Variants in DPF3 observed in about 807,000 individuals in gnomAD.
DPF3 encodes zinc finger protein DPF3.
In DPF3, 18 loss-of-function variants were observed where a neutral mutation model predicts 56.8. The ratio of observed to expected loss-of-function variants is 0.32; its 90% confidence interval spans 0.22 to 0.47. The LOEUF is 0.47. Among genes scored for constraint, DPF3 ranks in the 20% least tolerant of loss-of-function variants. The probability of loss-of-function intolerance (pLI) is 1.00; values close to 1 mark genes in which losing one functional copy is unlikely to be tolerated. For synonymous variants in DPF3, 188 were observed against 180.2 expected (o/e 1.04, Z -0.35); for missense variants, 403 against 488.8 (o/e 0.82, Z 1.65).
At chr14:72,732,311 T>G (rs1401455050) in intron 3 of DPF3, among the ~76,000 whole-genome samples, 1 of 151,994 alleles carries the variant, frequency 6.6e-6, no homozygotes, top group Non-Finnish European at 1.5e-5. Context: ...CCACAGGTGG[T>G]TTTGTAAGGG....
At chr14:72,644,232 C>T (rs1188142286) in intron 8 of DPF3, among the ~76,000 whole-genome samples, 2 of 152,190 alleles carry the variant, frequency 1.3e-5, no homozygotes, top group African/African-American at 4.8e-5. Context: ...AACCCGGCAC[C>T]ATCTGGCGTC....
Position 72,763,058 on chromosome 14 carries a change from G to A in DPF3, c.193+8675C>T, listed in dbSNP as rs188002129. On this transcript the variant is annotated intron_variant, in intron 2 of 10. Coordinates refer to ENST00000556509, the MANE Select transcript of DPF3 (RefSeq NM_001280542.3). Reference sequence around the variant, plus strand: ...AGACAAATCTGACAAAAATGTTAAAGATCTATACACTAAAAATTAAAAATC... The same window carrying A: ...AGACAAATCTGACAAAAATGTTAAAAATCTATACACTAAAAATTAAAAATC... Among the ~76,000 whole-genome samples the A allele has an allele frequency of 2.1e-3, 312 of 151,852 alleles. 3 individuals are homozygous for A. Among genetic ancestry groups the A allele is most frequent in the East Asian group, 0.018 (91 of 5,190 alleles).
chr14:72,860,680 C>A (rs1013074462), intron 1 of DPF3, among the ~76,000 whole-genome samples: 2 of 152,014 alleles, frequency 1.3e-5, no homozygotes, highest in African/African-American at 4.8e-5. Context: ...ATTCTCCTGC[C>A]TCAGCCTCCC....
chr14:72,671,821 A>G (rs2153570439), intron 8 of DPF3, among the ~76,000 whole-genome samples: 1 of 152,298 alleles, frequency 6.6e-6, no homozygotes, highest in Middle Eastern at 3.4e-3. Flanking sequence ...TTAAGCCTCC[A>G]TCTATTTCAT....
At chr14:72,641,637 C>A (rs749404413) in intron 8 of DPF3, among the ~76,000 whole-genome samples, 4 of 152,200 alleles carry the variant, frequency 2.6e-5, no homozygotes, top group Admixed American at 1.3e-4. Context: ...GTAGGAGGAG[C>A]AGCACTGGGA....
chr14:72,838,924 T>C (rs1373868316), intron 1 of DPF3, among the ~76,000 whole-genome samples: 1 of 118,496 alleles, frequency 8.4e-6, no homozygotes, highest in African/African-American at 3.5e-5. Context: ...TTTTTTTTTT[T>C]TTTTTTTTTT....
At chr14:72,629,814 T>C (rs1456255695) in intron 8 of DPF3, 78 bp from the exon 9 acceptor site, 15 of 1,180,332 alleles carry the variant, frequency 1.3e-5, no homozygotes, top group African/African-American at 4.6e-5. Context: ...TGGAAACACA[T>C]TGATGCCCAG....
chr14:72,806,613 C>A (rs763352181), intron 1 of DPF3, among the ~76,000 whole-genome samples: 2 of 152,150 alleles, frequency 1.3e-5, no homozygotes, highest in African/African-American at 4.8e-5. Context: ...CCGCACTGGG[C>A]GAAAGAACCT....
intron 1 of DPF3, among the ~76,000 whole-genome samples, chr14:72,864,892 G>C (rs1468236670): frequency 6.6e-6 from 1 of 152,210 alleles, no homozygotes; most frequent in Non-Finnish European, 1.5e-5. Context: ...GAACAGAGTA[G>C]GGGACAGAGT....
intron 2 of DPF3, among the ~76,000 whole-genome samples, chr14:72,764,069 G>A (rs1373849459): frequency 6.6e-6 from 1 of 152,152 alleles, no homozygotes. Context: ...ATATGCTAAT[G>A]AGATGACCCT....
intron 3 of DPF3, among the ~76,000 whole-genome samples, chr14:72,747,629 A>G (rs1890380184): frequency 6.6e-6 from 1 of 151,798 alleles, no homozygotes; most frequent in South Asian, 2.1e-4. Context: ...TCTCTACAAA[A>G]AAAAAAAAAA....
At chr14:72,864,773 C>T (rs1333817160) in intron 1 of DPF3, among the ~76,000 whole-genome samples, 1 of 152,194 alleles carries the variant, frequency 6.6e-6, no homozygotes, top group East Asian at 1.9e-4. Flanking sequence ...CAATGCCTTT[C>T]CTGTGGGGAA....
intron 3 of DPF3, among the ~76,000 whole-genome samples, chr14:72,733,928 G>T (rs1889781406): frequency 6.6e-6 from 1 of 152,194 alleles, no homozygotes; most frequent in African/African-American, 2.4e-5. Flanking sequence ...AGGAGAAACA[G>T]CATCTAAAAT....
chr14:72,744,081 A>G (rs773976086), intron 3 of DPF3, among the ~76,000 whole-genome samples: 42 of 152,250 alleles, frequency 2.8e-4, no homozygotes, highest in Non-Finnish European at 4.3e-4. Flanking sequence ...TGCAAATTCC[A>G]AAGAGTTCTT....
chr14:72,647,929 A>G (rs1885773407), intron 8 of DPF3, among the ~76,000 whole-genome samples: 3 of 152,124 alleles, frequency 2.0e-5, no homozygotes, highest in Admixed American at 2.0e-4. Context: ...ACCACTTCTC[A>G]CCATATCTCC....
At chr14:72,876,235 G>A (rs1446048302) in intron 1 of DPF3, among the ~76,000 whole-genome samples, 2 of 152,204 alleles carry the variant, frequency 1.3e-5, no homozygotes, top group Non-Finnish European at 2.9e-5. Flanking sequence ...ACCAGTGTGG[G>A]CCCCACAGGG....
Position 72,676,221 on chromosome 14 carries a change from T to G in DPF3, c.743-1853A>C, listed in dbSNP as rs114447147. Among the ~76,000 whole-genome samples, 312 of 152,260 alleles carry G rather than the reference T, an allele frequency of 2.0e-3. 1 individual carries two copies. The highest frequency in any genetic ancestry group is 7.2e-3 in the African/African-American group (298 of 41,552). On this transcript the variant is annotated intron_variant, in intron 7 of 10. Coordinates refer to ENST00000556509, the MANE Select transcript of DPF3 (RefSeq NM_001280542.3). ...TGTCATGATTGATATGAGCTAGATATAAAATGTGGAGATGCCAGTTGTTAC... is the reference window on the plus strand; with the variant it reads ...TGTCATGATTGATATGAGCTAGATAGAAAATGTGGAGATGCCAGTTGTTAC...
intron 1 of DPF3, among the ~76,000 whole-genome samples, chr14:72,826,812 G>A (rs370541659): frequency 1.6e-4 from 25 of 152,138 alleles, no homozygotes; most frequent in African/African-American, 5.3e-4. Flanking sequence ...GGAGGCAGAC[G>A]TGGGTGGATC....
At chr14:72,843,880 G>A (rs182045262) in intron 1 of DPF3, among the ~76,000 whole-genome samples, 26 of 152,288 alleles carry the variant, frequency 1.7e-4, no homozygotes, top group Non-Finnish European at 3.7e-4. Flanking sequence ...CATATGCTAG[G>A]CATTGCTCTC....
Sources: allele counts gnomAD v4.1 joint callset (sites outside exome capture counted in the v4.1 genomes callset), GRCh38; gene constraint gnomAD v4.1.1; transcripts MANE v1.5; gene names NCBI Gene and HGNC (gene_info 2026-07-23, HGNC 2026-07-21).